The following AGO4 variants were observed in gnomAD, a reference collection of about 807,000 sequenced individuals.
AGO4 encodes protein argonaute-4.
In AGO4, 33 loss-of-function variants were observed where a neutral mutation model predicts 104.7. The observed-to-expected ratio is 0.32, with a 90% CI of 0.24 to 0.42. AGO4 has a LOEUF of 0.42. Among genes scored for constraint, AGO4 ranks in the 10% least tolerant of loss-of-function variants. The probability of loss-of-function intolerance (pLI) is 1.00; values close to 1 mark genes in which losing one functional copy is unlikely to be tolerated. For synonymous variants in AGO4, 331 were observed against 364.7 expected (o/e 0.91, Z 1.05); for missense variants, 711 against 1,083.4 (o/e 0.66, Z 4.83).
intron 2 of AGO4, 60 bp downstream of exon 2, chr1:35,817,107 C>A: frequency 1.4e-6 from 2 of 1,447,624 alleles, no homozygotes; most frequent in Non-Finnish European, 9.3e-7. Context: ...ATTTATGTAT[C>A]ATATTGTTCT....
Position 35,832,058 on chromosome 1 carries a change from T to G in AGO4, c.1118T>G (p.Val373Gly). ...PDRQEEISRL[V>G]KSNSMVGGPD... Reference sequence around the variant, plus strand: ...TATGCAGGCTTTCCTGTTCTTTAGGTGAAGAGCAACAGTATGGTGGGTGGA... The same window carrying G: ...TATGCAGGCTTTCCTGTTCTTTAGGGGAAGAGCAACAGTATGGTGGGTGGA... Residue 373 changes from valine to glycine, a missense_variant and splice_region_variant, in exon 10 of 18, where the codon GTG becomes GGG. Physicochemically the swap from Val to Gly is moderately radical, Grantham distance 109 (BLOSUM62 -3). This residue lies in a region of AGO4 where 401 missense variants were observed against 665.5 expected (regional missense o/e 0.60). Coordinates refer to ENST00000373210, the MANE Select transcript of AGO4 (RefSeq NM_017629.4). The G allele has an allele frequency of 6.2e-7, 1 of 1,610,938 alleles. No homozygotes were observed.
At chr1:35,846,063 C>A (rs1269849626) in intron 15 of AGO4, among the ~76,000 whole-genome samples, 1 of 152,164 alleles carries the variant, frequency 6.6e-6, no homozygotes, top group Non-Finnish European at 1.5e-5. Flanking sequence ...ATAATCCTCC[C>A]CCAGGCAGGG....
At position 35,853,589 on chromosome 1, in the gene AGO4, C is replaced by T. The variant is rs781388824; in HGVS notation, c.2570C>T (p.Thr857Met). The change falls in exon 18 of 18, where the codon ACG (threonine) becomes ATG (methionine). Residue 857 changes from threonine to methionine, a missense_variant. Transcript: ENST00000373210. ...AVQIHHDTQH[T>M]MYFA is the part of the protein sequence containing the mutation. ...CAAATCCACCATGATACCCAGCACA[C>T]GATGTATTTTGCCTGAGAGTCTCAG... The T allele has an allele frequency of 6.2e-6, 10 of 1,613,576 alleles. No individual in the cohort carries two copies. The highest frequency in any genetic ancestry group is 1.1e-5 in the South Asian group (1 of 91,014).
rs1553147119 is a variant in AGO4, at chr1:35,831,842, A to G, written c.1027A>G (p.Ile343Val). 2 of 1,614,134 alleles carry G rather than the reference A, an allele frequency of 1.2e-6. No individual in the cohort carries two copies. The highest frequency in any genetic ancestry group is 2.2e-5 in the East Asian group (1 of 44,882). ...TAATATAGTGGCAGGACAGCGATGTATCAAGAAGCTCACAGACAATCAGAC... is the reference window on the plus strand; with the variant it reads ...TAATATAGTGGCAGGACAGCGATGTGTCAAGAAGCTCACAGACAATCAGAC... ...VCNIVAGQRC[I>V]KKLTDNQTST... The change falls in exon 9 of 18, where the codon ATC becomes GTC. Residue 343 changes from isoleucine (I) to valine (V), a missense_variant. This residue lies in a region of AGO4 where 401 missense variants were observed against 665.5 expected (regional missense o/e 0.60). Transcript: ENST00000373210.
chr1:35,832,609 C>T, intron 11 of AGO4, 39 bp downstream of exon 11: 1 of 1,603,192 alleles, frequency 6.2e-7, no homozygotes, highest in Non-Finnish European at 8.5e-7. Context: ...AATATCCCTT[C>T]CAGATATGAA....
rs1416838888 is a variant in AGO4, at chr1:35,808,552, G to A, written c.19+117G>A. ...TCGGGCCGCCAGGCCTCGGGGAAGG[G>A]GACCCGAGCCCCGCAGCACGAAGCG... On this transcript the variant is annotated intron_variant, in intron 1 of 17. Coordinates refer to ENST00000373210, the MANE Select transcript of AGO4 (RefSeq NM_017629.4). The surrounding 1 kb of genome is among the most constrained non-coding windows in gnomAD (Gnocchi z 5.2). 8 of 941,662 alleles carry A rather than the reference G, an allele frequency of 8.5e-6. No individual in the cohort carries two copies. The highest frequency in any genetic ancestry group is 1.8e-5 in the African/African-American group (1 of 56,856). 58.3% of individuals were successfully genotyped at this position (941,662 alleles called of 1,614,324 possible).
chr1:35,818,967 G>A (rs1013478259), intron 2 of AGO4, among the ~76,000 whole-genome samples: 1 of 152,176 alleles, frequency 6.6e-6, no homozygotes, highest in African/African-American at 2.4e-5. Flanking sequence ...AGGTAAGGGT[G>A]AAAAGCATGG....
At chr1:35,837,922 A>G (rs1292806394) in intron 13 of AGO4, among the ~76,000 whole-genome samples, 3 of 151,340 alleles carry the variant, frequency 2.0e-5, no homozygotes, top group African/African-American at 7.3e-5. Context: ...TCACTCTGTC[A>G]CCCAGGCTGG....
In AGO4 at chr1:35,841,810, AC is replaced by A; in HGVS notation, c.2175+61del. The stretch of plus-strand genomic sequence containing the variant: ...GCTCTGGCAAGAGATGTATATATGC[AC>A]ATATATATATATATATATATATATA... On this transcript the variant is annotated intron_variant, in intron 15 of 17. Coordinates refer to ENST00000373210, the MANE Select transcript of AGO4 (RefSeq NM_017629.4). This position sits in a 1 kb window ranked among gnomAD's most constrained non-coding sequence, Gnocchi z 4.7. The A allele has an allele frequency of 2.3e-6, 2 of 856,266 alleles. No individual in the cohort carries two copies. Among genetic ancestry groups the A allele is most frequent in the Non-Finnish European group, 3.1e-6 (2 of 640,766 alleles). 53.0% of individuals were successfully genotyped at this position (856,266 alleles called of 1,614,324 possible).
At chr1:35,813,775 A>G (rs1057049948) in intron 1 of AGO4, among the ~76,000 whole-genome samples, 14 of 151,482 alleles carry the variant, frequency 9.2e-5, no homozygotes, top group Non-Finnish European at 1.9e-4. Flanking sequence ...AAGAAGAAGA[A>G]GAAGAGGAAG....
At chr1:35,849,550 T>C (rs1644652101) in intron 15 of AGO4, among the ~76,000 whole-genome samples, 1 of 148,498 alleles carries the variant, frequency 6.7e-6, no homozygotes, top group African/African-American at 2.5e-5. Context: ...CCAGACATGA[T>C]GGCATGTGTG....
intron 1 of AGO4, among the ~76,000 whole-genome samples, chr1:35,815,032 C>T (rs1410388644): frequency 1.3e-5 from 2 of 152,078 alleles, no homozygotes; most frequent in African/African-American, 4.8e-5. Flanking sequence ...CATCCACCAC[C>T]GTGCCCGGCT....
intron 15 of AGO4, among the ~76,000 whole-genome samples, chr1:35,845,212 TG>T (rs142415324): frequency 0.51 from 18,354 of 35,708 alleles, 8,153 homozygotes; most frequent in Non-Finnish European, 0.87. Flanking sequence ...TTTTTTTTTT[TG>T]AAATGGAGTT....
At position 35,808,403 on chromosome 1, in the gene AGO4, C is replaced by T. The variant is rs1643368566; in HGVS notation, c.-14C>T. ...GGCGCCGGGGACCGGGGCGAGGCGG[C>T]CCCCGCCGCCGCCATGGAGGCGCTG... On this transcript the variant is annotated 5_prime_UTR_variant, in exon 1 of 18. Coordinates refer to ENST00000373210, the MANE Select transcript of AGO4 (RefSeq NM_017629.4). This position sits in a 1 kb window ranked among gnomAD's most constrained non-coding sequence, Gnocchi z 5.2. The T allele has an allele frequency of 3.6e-6, 4 of 1,124,908 alleles. No individual in the cohort carries two copies. Among genetic ancestry groups the T allele is most frequent in the South Asian group, 4.3e-5 (1 of 23,412 alleles). The allele number at this position is 1,124,908 out of a possible 1,614,324, so 69.7% of individuals were successfully genotyped here.
At chr1:35,848,358 T>C (rs944358683) in intron 15 of AGO4, among the ~76,000 whole-genome samples, 3 of 152,210 alleles carry the variant, frequency 2.0e-5, no homozygotes, top group Non-Finnish European at 4.4e-5. Flanking sequence ...AGCTCCTACT[T>C]ATAAGGCATG....
intron 7 of AGO4, among the ~76,000 whole-genome samples, chr1:35,829,316 A>C (rs1362290203): frequency 6.6e-6 from 1 of 152,120 alleles, no homozygotes; most frequent in African/African-American, 2.4e-5. Flanking sequence ...TCAGAAAAAA[A>C]AAAAAAAAAG....
Position 35,832,413 on chromosome 1 carries a change from TTCTTC to T in AGO4, c.1246-22_1246-18del. ...TTTCTTTTGTTTCTTCTTCTTCTTC[TTCTTC>T]TTTTTTTTTTTTTCAAAGAATAAAA... On this transcript the variant is annotated intron_variant, in intron 10 of 17. Transcript: ENST00000373210. The T allele has an allele frequency of 1.9e-6, 3 of 1,555,062 alleles. No individual in the cohort carries two copies. Among genetic ancestry groups the T allele is most frequent in the Admixed American group, 2.2e-5 (1 of 45,356 alleles).
intron 7 of AGO4, among the ~76,000 whole-genome samples, chr1:35,828,777 T>C (rs922290110): frequency 2.0e-5 from 3 of 152,050 alleles, no homozygotes; most frequent in African/African-American, 7.2e-5. Context: ...CGCCTCGGCC[T>C]CCCAAAGTGC....
intron 13 of AGO4, 118 bp downstream of exon 13, chr1:35,836,111 C>T: frequency 9.7e-7 from 1 of 1,027,580 alleles, no homozygotes; most frequent in East Asian, 2.6e-5. Context: ...TATATATGCA[C>T]CCATATACCC....
Sources: allele counts gnomAD v4.1 joint callset (sites outside exome capture counted in the v4.1 genomes callset), GRCh38; gene constraint gnomAD v4.1.1; regional missense constraint gnomAD v4.1.1; non-coding constraint Gnocchi (gnomAD v3.1); transcripts MANE v1.5; gene names NCBI Gene and HGNC (gene_info 2026-07-23, HGNC 2026-07-21).